Variants in POFUT3 observed in about 807,000 individuals in gnomAD.
POFUT3 encodes the protein protein O-fucosyltransferase 3.
the POFUT3 span, among the ~76,000 whole-genome samples, chr8:33,417,535 G>C: frequency 1.3e-5 from 2 of 151,908 alleles, no homozygotes; most frequent in Admixed American, 6.6e-5. Context: ...AGGAAAATGT[G>C]GGAACTGGGA....
chr8:33,380,213 TAC>T, the POFUT3 span, among the ~76,000 whole-genome samples: 1 of 61,952 alleles, frequency 1.6e-5, no homozygotes, highest in Non-Finnish European at 2.7e-5. Context: ...TATATATATA[TAC>T]TATATATATA....
the POFUT3 span, chr8:33,461,628 G>C: frequency 7.2e-6 from 11 of 1,528,806 alleles, no homozygotes; most frequent in Non-Finnish European, 9.6e-6. Flanking sequence ...GTTGTGAGAG[G>C]GTCTGGCTTG....
At chr8:33,327,902 A>T in the POFUT3 span, among the ~76,000 whole-genome samples, 1 of 152,140 alleles carries the variant, frequency 6.6e-6, no homozygotes, top group African/African-American at 2.4e-5. Flanking sequence ...TTTCAGGCTG[A>T]TCCTGGAAAC....
the POFUT3 span, among the ~76,000 whole-genome samples, chr8:33,314,816 A>C: frequency 1.8e-4 from 27 of 152,142 alleles, no homozygotes; most frequent in Non-Finnish European, 3.4e-4. Flanking sequence ...GGTAAGCCTC[A>C]ACCTCCTCAT....
chr8:33,458,994 C>T, the POFUT3 span, among the ~76,000 whole-genome samples: 1 of 152,278 alleles, frequency 6.6e-6, no homozygotes, highest in Non-Finnish European at 1.5e-5. Flanking sequence ...AACACCTTAG[C>T]GTCTACCAGT....
At chr8:33,425,273 G>T in the POFUT3 span, among the ~76,000 whole-genome samples, 4 of 152,102 alleles carry the variant, frequency 2.6e-5, no homozygotes, top group Admixed American at 6.5e-5. Flanking sequence ...GTTCAAAACT[G>T]CAGTGAGCTA....
the POFUT3 span, among the ~76,000 whole-genome samples, chr8:33,345,294 G>A: frequency 4.6e-5 from 7 of 151,962 alleles, no homozygotes; most frequent in Admixed American, 1.3e-4. Context: ...AAAAGAGCTC[G>A]AGAGTGAGAG....
chr8:33,454,898 C>A, the POFUT3 span, among the ~76,000 whole-genome samples: 1 of 151,852 alleles, frequency 6.6e-6, no homozygotes, highest in Non-Finnish European at 1.5e-5. Context: ...AAACTCCTGA[C>A]CTCGTGATCT....
chr8:33,407,065 GA>G, the POFUT3 span, among the ~76,000 whole-genome samples: 242 of 152,214 alleles, frequency 1.6e-3, no homozygotes, highest in Non-Finnish European at 3.0e-3. Context: ...TGATACTTAG[GA>G]AATACTGCCC....
At chr8:33,466,106 G>A in the POFUT3 span, among the ~76,000 whole-genome samples, 1 of 152,088 alleles carries the variant, frequency 6.6e-6, no homozygotes, top group Non-Finnish European at 1.5e-5. Flanking sequence ...AGTGTAGTAG[G>A]TCTCAGGGAA....
chr8:33,389,333 T>G, the POFUT3 span: 18 of 1,614,172 alleles, frequency 1.1e-5, no homozygotes, highest in Non-Finnish European at 1.4e-5. Context: ...AACTGCATTC[T>G]CAAAAGCTAG....
the POFUT3 span, among the ~76,000 whole-genome samples, chr8:33,403,059 T>G: frequency 6.7e-6 from 1 of 149,744 alleles, no homozygotes; most frequent in Non-Finnish European, 1.5e-5. Context: ...AAACCGTGTC[T>G]CAAAAAAAAA....
chr8:33,396,212 C>A, the POFUT3 span, among the ~76,000 whole-genome samples: 1 of 152,254 alleles, frequency 6.6e-6, no homozygotes, highest in East Asian at 1.9e-4. Context: ...CAATGCTACC[C>A]TTCCTGTGCC....
the POFUT3 span, among the ~76,000 whole-genome samples, chr8:33,325,088 TC>T: frequency 6.6e-6 from 1 of 152,130 alleles, no homozygotes; most frequent in African/African-American, 2.4e-5. Context: ...AAATCCACTC[TC>T]CTTAAAGCTA....
the POFUT3 span, among the ~76,000 whole-genome samples, chr8:33,422,200 T>C: frequency 6.6e-6 from 1 of 151,528 alleles, no homozygotes; most frequent in Non-Finnish European, 1.5e-5. Flanking sequence ...CTTCCTTTGC[T>C]ACTAGATAAC....
chr8:33,458,185 A>C, the POFUT3 span, among the ~76,000 whole-genome samples: 105 of 152,296 alleles, frequency 6.9e-4, no homozygotes, highest in African/African-American at 2.4e-3. Flanking sequence ...ACAGCCATCT[A>C]TAAGCCAAGG....
chr8:33,317,858 A>C, the POFUT3 span, among the ~76,000 whole-genome samples: 1 of 152,052 alleles, frequency 6.6e-6, no homozygotes, highest in East Asian at 1.9e-4. Context: ...CATTTCCCCC[A>C]TCAGGGCCCC....
the POFUT3 span, among the ~76,000 whole-genome samples, chr8:33,444,802 A>G: frequency 2.0e-5 from 3 of 152,086 alleles, no homozygotes; most frequent in Non-Finnish European, 4.4e-5. Context: ...TGGATGACAG[A>G]GTGAGCCTCC....
chr8:33,335,151 ATGTGTGTGTG>A, the POFUT3 span, among the ~76,000 whole-genome samples: 8 of 145,772 alleles, frequency 5.5e-5, no homozygotes, highest in African/African-American at 1.3e-4. Context: ...AAAGAAATAT[ATGTGTGTGTG>A]TGTGTGTGTG....
Sources: gnomAD v4.1 joint callset for allele counts (sites outside exome capture counted in the v4.1 genomes callset) on GRCh38, gnomAD v4.1.1 for gene constraint, MANE v1.5 for transcripts, NCBI Gene and HGNC (gene_info 2026-07-23, HGNC 2026-07-21) for gene names.